PPM1H: variants seen among roughly 807,000 people sequenced by gnomAD.
The protein encoded by PPM1H is protein phosphatase, Mg2+/Mn2+ dependent 1H.
A neutral mutation model predicts 54.9 loss-of-function variants in PPM1H; 27 were observed. The observed-to-expected ratio is 0.49, with a 90% CI of 0.36 to 0.68. PPM1H has a LOEUF of 0.68. PPM1H is among the 30% of genes least tolerant of loss of function. PPM1H has a pLI of 0.00. For missense variants in PPM1H, 596 were observed against 667.8 expected, an observed-to-expected ratio of 0.89 and a Z score of 1.19; for synonymous variants, 305 against 270.8, an observed-to-expected ratio of 1.13 and a Z score of -1.24.
intron 9 of PPM1H, among the ~76,000 whole-genome samples, chr12:62,664,792 T>C (rs915237758): frequency 3.3e-5 from 5 of 152,222 alleles, no homozygotes; most frequent in Admixed American, 6.5e-5. Context: ...CAGAAGAGGT[T>C]AGTTGGCGGT....
intron 1 of PPM1H, among the ~76,000 whole-genome samples, chr12:62,919,413 T>C (rs1421303915): frequency 6.6e-6 from 1 of 151,576 alleles, no homozygotes; most frequent in Non-Finnish European, 1.5e-5. Context: ...AGATCTAACC[T>C]GTTTTAAATG....
At chr12:62,698,484 G>T (rs1214832195) in intron 6 of PPM1H, among the ~76,000 whole-genome samples, 3 of 152,044 alleles carry the variant, frequency 2.0e-5, no homozygotes. Context: ...GGACCTGGAG[G>T]ATCCTAACCA....
At chr12:62,737,987 G>A (rs2076359801) in intron 4 of PPM1H, among the ~76,000 whole-genome samples, 1 of 152,194 alleles carries the variant, frequency 6.6e-6, no homozygotes, top group African/African-American at 2.4e-5. Context: ...TGTTTGTGCA[G>A]TCCAATATGG....
At chr12:62,684,595 T>G (rs1355967507) in intron 8 of PPM1H, among the ~76,000 whole-genome samples, 1 of 152,172 alleles carries the variant, frequency 6.6e-6, no homozygotes, top group African/African-American at 2.4e-5. Context: ...GCACTTTTTC[T>G]CAGAATTCAA....
intron 5 of PPM1H, 91 bp downstream of exon 5, chr12:62,737,411 G>C: frequency 1.2e-6 from 1 of 807,412 alleles, no homozygotes; most frequent in East Asian, 2.9e-5. Context: ...CGGTGAGCCT[G>C]CTCCCATGTC....
chr12:62,768,604 G>A (rs1043036780), intron 4 of PPM1H, among the ~76,000 whole-genome samples: 2 of 152,154 alleles, frequency 1.3e-5, no homozygotes, highest in South Asian at 2.1e-4. Context: ...GCAGTGAGCC[G>A]AGATCCCGCC....
intron 5 of PPM1H, among the ~76,000 whole-genome samples, chr12:62,733,058 G>A (rs12301931): frequency 0.014 from 2,118 of 152,168 alleles, 49 homozygotes; most frequent in African/African-American, 0.049. Flanking sequence ...TTACCATGCA[G>A]TTACTTTTCG....
At chr12:62,726,954 AC>A (rs1292445442) in intron 5 of PPM1H, among the ~76,000 whole-genome samples, 4 of 152,024 alleles carry the variant, frequency 2.6e-5, no homozygotes, top group Non-Finnish European at 4.4e-5. Flanking sequence ...CACTCTTGTC[AC>A]CCAGGCTGTA....
At chr12:62,873,347 T>C (rs1351725132) in intron 1 of PPM1H, among the ~76,000 whole-genome samples, 3 of 152,330 alleles carry the variant, frequency 2.0e-5, no homozygotes, top group East Asian at 3.9e-4. Flanking sequence ...GCTAGCCTAG[T>C]TCCAGATCCT....
At chr12:62,702,484 T>A (rs1317941874) in intron 6 of PPM1H, among the ~76,000 whole-genome samples, 1 of 150,732 alleles carries the variant, frequency 6.6e-6, no homozygotes, top group Non-Finnish European at 1.5e-5. Flanking sequence ...CACTTTGGCA[T>A]CATCAACATA....
chr12:62,761,905 A>G (rs1406269348), intron 4 of PPM1H, among the ~76,000 whole-genome samples: 1 of 152,242 alleles, frequency 6.6e-6, no homozygotes, highest in Admixed American at 6.5e-5. Context: ...GGTGTGAGGG[A>G]AATGGACGTG....
At chr12:62,673,808 C>T (rs1047779666) in intron 8 of PPM1H, among the ~76,000 whole-genome samples, 2 of 144,214 alleles carry the variant, frequency 1.4e-5, no homozygotes, top group African/African-American at 2.6e-5. Context: ...TCACTGCAGC[C>T]TCAACCTGCC....
At chr12:62,890,936 C>T (rs1870771993) in intron 1 of PPM1H, among the ~76,000 whole-genome samples, 1 of 151,618 alleles carries the variant, frequency 6.6e-6, no homozygotes, top group Non-Finnish European at 1.5e-5. Context: ...TGTTGAAATC[C>T]CATCTCTACT....
chr12:62,804,955 C>G (rs2663959), intron 2 of PPM1H, among the ~76,000 whole-genome samples: 20,546 of 152,052 alleles, frequency 0.14, 1,916 homozygotes, highest in African/African-American at 0.27. Flanking sequence ...GATTACAGGC[C>G]TGAGCCACCG....
Position 62,726,952 on chromosome 12 carries a change from T to C in PPM1H, c.955-6663A>G, listed in dbSNP as rs140309569. On this transcript the variant is annotated intron_variant, in intron 5 of 9. Coordinates refer to ENST00000228705, the MANE Select transcript of PPM1H (RefSeq NM_020700.2). Reference sequence around the variant, plus strand: ...TTTTTGAGACAGAGTTTCACTCTTGTCACCCAGGCTGTAATGCAATGGCTT... The same window carrying C: ...TTTTTGAGACAGAGTTTCACTCTTGCCACCCAGGCTGTAATGCAATGGCTT... Among the ~76,000 whole-genome samples the C allele has an allele frequency of 2.9e-3, 437 of 152,268 alleles. 4 individuals are homozygous for C. Among genetic ancestry groups the C allele is most frequent in the African/African-American group, 9.5e-3 (393 of 41,550 alleles).
intron 1 of PPM1H, among the ~76,000 whole-genome samples, chr12:62,906,568 C>T (rs969545566): frequency 3.7e-4 from 56 of 152,232 alleles, no homozygotes; most frequent in African/African-American, 1.3e-3. Context: ...TGAACAAAAA[C>T]CCCTAGAATA....
At chr12:62,703,139 G>A (rs76904615) in intron 6 of PPM1H, among the ~76,000 whole-genome samples, 36 of 152,296 alleles carry the variant, frequency 2.4e-4, no homozygotes, top group African/African-American at 7.7e-4. Flanking sequence ...ACAGGCAACC[G>A]TAAGCAGGAA....
At chr12:62,779,754 C>T (rs1174895401) in intron 4 of PPM1H, among the ~76,000 whole-genome samples, 3 of 152,244 alleles carry the variant, frequency 2.0e-5, no homozygotes, top group Non-Finnish European at 4.4e-5. Flanking sequence ...TCCTGCCTGC[C>T]TGTGGCTATC....
At chr12:62,680,060 G>A (rs2076010357) in intron 8 of PPM1H, among the ~76,000 whole-genome samples, 1 of 152,120 alleles carries the variant, frequency 6.6e-6, no homozygotes, top group African/African-American at 2.4e-5. Context: ...ATCAAGAGGT[G>A]GATCCAATTC....
Sources: allele counts gnomAD v4.1 joint callset (sites outside exome capture counted in the v4.1 genomes callset), GRCh38; gene constraint gnomAD v4.1.1; transcripts MANE v1.5; gene names NCBI Gene and HGNC (gene_info 2026-07-23, HGNC 2026-07-21).